Variants in CNTN5 observed in about 807,000 individuals in gnomAD.
The protein encoded by CNTN5 is contactin 5.
A neutral mutation model predicts 129.1 loss-of-function variants in CNTN5; 77 were observed. That is an observed-to-expected ratio of 0.60 (90% CI 0.50 to 0.72). The LOEUF (loss-of-function observed/expected upper bound fraction) is 0.72. Among genes scored for constraint, CNTN5 ranks in the 30% least tolerant of loss-of-function variants. The pLI is 0.00. For missense variants in CNTN5, 1,478 were observed against 1,328.8 expected, an observed-to-expected ratio of 1.11 and a Z score of -1.75; for synonymous variants, 509 against 465.6, an observed-to-expected ratio of 1.09 and a Z score of -1.20.
intron 18 of CNTN5, among the ~76,000 whole-genome samples, chr11:100,282,445 C>G (rs1289059401): frequency 6.6e-6 from 1 of 152,206 alleles, no homozygotes; most frequent in Non-Finnish European, 1.5e-5. Flanking sequence ...CAAATGGAGT[C>G]TCTCTGTTCT....
intron 13 of CNTN5, among the ~76,000 whole-genome samples, chr11:100,157,157 ATTTTGT>A (rs1947272781): frequency 3.3e-5 from 5 of 151,896 alleles, no homozygotes; most frequent in African/African-American, 9.7e-5. Context: ...TTGAAGCAGT[ATTTTGT>A]TTATTAAACC....
intron 3 of CNTN5, among the ~76,000 whole-genome samples, chr11:99,775,740 G>A (rs1565517020): frequency 6.6e-6 from 1 of 151,778 alleles, no homozygotes; most frequent in Admixed American, 6.6e-5. Context: ...CTCACGTTAT[G>A]ATAATAATGC....
chr11:99,961,890 G>T (rs942394498), intron 8 of CNTN5, among the ~76,000 whole-genome samples: 2 of 152,070 alleles, frequency 1.3e-5, no homozygotes, highest in African/African-American at 2.4e-5. Flanking sequence ...ACACACCTCA[G>T]TAGAGAACCA....
intron 3 of CNTN5, among the ~76,000 whole-genome samples, chr11:99,762,548 T>C (rs1382783694): frequency 6.6e-6 from 1 of 151,980 alleles, no homozygotes; most frequent in East Asian, 1.9e-4. Context: ...CTTGTTTTTC[T>C]CAGGTTTGTC....
At chr11:100,035,800 C>T (rs1941961616) in intron 9 of CNTN5, among the ~76,000 whole-genome samples, 1 of 151,684 alleles carries the variant, frequency 6.6e-6, no homozygotes, top group Non-Finnish European at 1.5e-5. Context: ...TATCCTTTGC[C>T]CACTTTTTGA....
intron 9 of CNTN5, among the ~76,000 whole-genome samples, chr11:100,058,836 C>T (rs1352138530): frequency 6.6e-6 from 1 of 152,056 alleles, no homozygotes; most frequent in African/African-American, 2.4e-5. Flanking sequence ...ATACACAAAG[C>T]ATTTTGTTAT....
chr11:100,222,533 T>C (rs1454973266), intron 15 of CNTN5, among the ~76,000 whole-genome samples: 1 of 152,066 alleles, frequency 6.6e-6, no homozygotes, highest in Non-Finnish European at 1.5e-5. Flanking sequence ...CAGTTATTAA[T>C]TACAGGAATG....
At chr11:99,712,501 T>G (rs1000332819) in intron 3 of CNTN5, among the ~76,000 whole-genome samples, 1 of 152,140 alleles carries the variant, frequency 6.6e-6, no homozygotes, top group Middle Eastern at 3.2e-3. Flanking sequence ...CATTTGTCTA[T>G]TTTGGCTTTT....
rs567120976 is a variant in CNTN5, at chr11:99,218,265, G to A, written c.-209-107081G>A. Reference sequence around the variant, plus strand: ...TTGACTTAATGTGTTTGTCTTTTCTGCCTTTTTGCTGGCTCCTCATTCTCT... The same window carrying A: ...TTGACTTAATGTGTTTGTCTTTTCTACCTTTTTGCTGGCTCCTCATTCTCT... On this transcript the variant is annotated intron_variant, in intron 1 of 24. Transcript: ENST00000524871. Among the ~76,000 whole-genome samples, 6 of 152,164 alleles carry A rather than the reference G, an allele frequency of 3.9e-5. No individual in the cohort carries two copies. In the East Asian group the frequency reaches 1.2e-3, roughly 29 times the overall value.
At chr11:100,141,906 G>C (rs1043827908) in intron 13 of CNTN5, among the ~76,000 whole-genome samples, 2 of 152,124 alleles carry the variant, frequency 1.3e-5, no homozygotes, top group African/African-American at 2.4e-5. Flanking sequence ...GGAGAGATTT[G>C]TGTGTGAGTT....
chr11:99,940,894 A>T (rs2136110287), intron 7 of CNTN5, among the ~76,000 whole-genome samples: 1 of 132,486 alleles, frequency 7.5e-6, no homozygotes, highest in South Asian at 2.5e-4. Flanking sequence ...ACAAGGAAGC[A>T]AAATCTCAAA....
At chr11:99,201,351 T>TTCCTCCCTTCCTTCCTTCCTTCC (rs59358470) in intron 1 of CNTN5, among the ~76,000 whole-genome samples, 1 of 88,154 alleles carries the variant, frequency 1.1e-5, no homozygotes, top group Non-Finnish European at 2.2e-5. Flanking sequence ...CTTCCTTTCC[T>TTCCTCCCTTCCTTCCTTCCTTCC]TTCCTTCCTT....
chr11:99,837,661 A>G (rs1947347905), intron 4 of CNTN5, among the ~76,000 whole-genome samples: 1 of 148,892 alleles, frequency 6.7e-6, no homozygotes, highest in South Asian at 2.2e-4. Context: ...GGGAGCATCT[A>G]GCCAGTACTT....
chr11:99,505,703 C>T (rs1190211847), intron 2 of CNTN5, among the ~76,000 whole-genome samples: 1 of 152,168 alleles, frequency 6.6e-6, no homozygotes, highest in Non-Finnish European at 1.5e-5. Flanking sequence ...CCCTATGTAA[C>T]AGATTTTCCA....
At chr11:100,024,907 A>G (rs1941341701) in intron 9 of CNTN5, among the ~76,000 whole-genome samples, 2 of 152,210 alleles carry the variant, frequency 1.3e-5, no homozygotes, top group Admixed American at 1.3e-4. Context: ...CAGAACCTAA[A>G]AGTTTGGAAA....
chr11:99,810,474 T>C (rs1380882053), intron 3 of CNTN5, among the ~76,000 whole-genome samples: 1 of 152,156 alleles, frequency 6.6e-6, no homozygotes, highest in East Asian at 1.9e-4. Flanking sequence ...TTTCATCCTC[T>C]GCATATGCTT....
intron 10 of CNTN5, among the ~76,000 whole-genome samples, chr11:100,068,239 T>G (rs1943769864): frequency 6.6e-6 from 1 of 152,194 alleles, no homozygotes; most frequent in South Asian, 2.1e-4. Flanking sequence ...AACTAAAATA[T>G]TAAATAACAA....
At chr11:99,949,197 T>A (rs1950618169) in intron 7 of CNTN5, among the ~76,000 whole-genome samples, 1 of 152,198 alleles carries the variant, frequency 6.6e-6, no homozygotes, top group Admixed American at 6.6e-5. Flanking sequence ...ACTCTATTTC[T>A]ATAAACCCAA....
intron 16 of CNTN5, among the ~76,000 whole-genome samples, chr11:100,237,604 G>T (rs910505451): frequency 1.3e-5 from 2 of 152,106 alleles, no homozygotes; most frequent in Non-Finnish European, 1.5e-5. Flanking sequence ...TTACAAAGAC[G>T]ATTAGCTCTC....
Sources: allele counts gnomAD v4.1 joint callset (sites outside exome capture counted in the v4.1 genomes callset), GRCh38; gene constraint gnomAD v4.1.1; transcripts MANE v1.5; gene names NCBI Gene and HGNC (gene_info 2026-07-23, HGNC 2026-07-21).